Variants in AAK1 observed in about 807,000 individuals in gnomAD.
AAK1 encodes the protein AP2-associated protein kinase 1.
In AAK1, 37 loss-of-function variants were observed where a neutral mutation model predicts 116.0. That is an observed-to-expected ratio of 0.32 (90% confidence interval 0.25 to 0.42). The LOEUF (loss-of-function observed/expected upper bound fraction) is 0.42, where lower values mean the gene tolerates loss of function less well. AAK1 is among the 10% of genes least tolerant of loss of function. The pLI, the probability that AAK1 is intolerant of heterozygous loss-of-function variation, is 1.00. For synonymous variants in AAK1, 458 were observed against 439.9 expected, an observed-to-expected ratio of 1.04 and a Z score of -0.51; for missense variants, 919 against 1,170.6, an observed-to-expected ratio of 0.79 and a Z score of 3.14.
intron 6 of AAK1, among the ~76,000 whole-genome samples, chr2:69,531,042 TG>T (rs1161767140): frequency 6.6e-6 from 1 of 152,182 alleles, no homozygotes; most frequent in African/African-American, 2.4e-5. Flanking sequence ...TTTGTCAATT[TG>T]TTGTTTTAAA....
At chr2:69,501,379 C>T (rs1451346947) in intron 16 of AAK1, among the ~76,000 whole-genome samples, 2 of 151,348 alleles carry the variant, frequency 1.3e-5, no homozygotes, top group Non-Finnish European at 2.9e-5. Flanking sequence ...CTCCACAAAA[C>T]CCCATTTTTT....
chr2:69,617,150 T>C (rs138918990), intron 2 of AAK1, among the ~76,000 whole-genome samples: 1 of 152,220 alleles, frequency 6.6e-6, no homozygotes, highest in African/African-American at 2.4e-5. Flanking sequence ...CTAATCTCAG[T>C]CAAGAACAAC....
At chr2:69,514,867 A>G in intron 12 of AAK1, 118 bp from the exon 13 acceptor site, 1 of 1,205,298 alleles carries the variant, frequency 8.3e-7, no homozygotes, top group Non-Finnish European at 1.1e-6. Flanking sequence ...CAAGTAGAAA[A>G]GTCTTGAGGC....
chr2:69,465,888 A>T lies in AAK1; in HGVS notation c.*9981T>A. 7.7e-7 allele frequency: 1 copy of T among 1,290,700 alleles called. No homozygotes were observed. The highest frequency in any genetic ancestry group is 1.0e-6 in the Non-Finnish European group (1 of 988,850). The allele number at this position is 1,290,700 out of a possible 1,614,324, so 80.0% of individuals were successfully genotyped here. On this transcript the variant is annotated 3_prime_UTR_variant, in exon 22 of 22. Coordinates refer to ENST00000409085, the MANE Select transcript of AAK1 (RefSeq NM_014911.5). ...TCTCTCACGGCCCGCGGGCAGGGGG[A>T]CATCACCTGTCTGACTGAGGAGACC...
chr2:69,468,318 G>A lies in AAK1; in HGVS notation c.*7551C>T. On this transcript the variant is annotated 3_prime_UTR_variant, in exon 22 of 22. Coordinates refer to ENST00000409085, the MANE Select transcript of AAK1 (RefSeq NM_014911.5). ...ATACCAAGATGATAATTTCTGGGAG[G>A]AAATTCAAATAAAAGGGAGAAAAAT... 1.0e-6 allele frequency: 1 copy of A among 985,278 alleles called. No homozygotes were observed. The highest frequency in any genetic ancestry group is 1.2e-6 in the Non-Finnish European group (1 of 829,892). The allele number at this position is 985,278 out of a possible 1,614,324, so 61.0% of individuals were successfully genotyped here.
Position 69,496,022 on chromosome 2 carries a change from A to G in AAK1, c.2328T>C (p.Ser776=). The G allele has an allele frequency of 3.9e-6, 6 of 1,554,798 alleles. No individual in the cohort carries two copies. The highest frequency in any genetic ancestry group is 5.2e-6 in the Non-Finnish European group (6 of 1,148,754). Reference sequence around the variant, plus strand: ...GTACTTGAAGAGGAATGAAAGGATCAGACACGCTTAGAAGCGGGAGGCCAG... The same window carrying G: ...GTACTTGAAGAGGAATGAAAGGATCGGACACGCTTAGAAGCGGGAGGCCAG... ...VDSGLPLLSV[S]DPFIPLQVPD... is the part of the protein sequence containing the mutation. The change falls in exon 17 of 22, where the codon TCT becomes TCC. Residue 776 remains serine (S), a synonymous_variant. Coordinates refer to ENST00000409085, the MANE Select transcript of AAK1 (RefSeq NM_014911.5).
chr2:69,573,618 A>C (rs2105125377), intron 2 of AAK1, among the ~76,000 whole-genome samples: 1 of 152,324 alleles, frequency 6.6e-6, no homozygotes, highest in African/African-American at 2.4e-5. Context: ...ATGCATAAAA[A>C]CCCAAGAGAT....
intron 2 of AAK1, among the ~76,000 whole-genome samples, chr2:69,614,737 T>C (rs1302774784): frequency 6.6e-6 from 1 of 152,138 alleles, no homozygotes; most frequent in Non-Finnish European, 1.5e-5. Context: ...ATGGGGGTCA[T>C]CCTGGATTAT....
chr2:69,518,585 A>G (rs1181746631), intron 12 of AAK1, among the ~76,000 whole-genome samples: 1 of 151,876 alleles, frequency 6.6e-6, no homozygotes, highest in African/African-American at 2.4e-5. Context: ...TGCCCAGCTA[A>G]TTTTTGTATT....
intron 2 of AAK1, among the ~76,000 whole-genome samples, chr2:69,576,573 C>T (rs1371206979): frequency 6.6e-6 from 1 of 152,182 alleles, no homozygotes; most frequent in Non-Finnish European, 1.5e-5. Flanking sequence ...TTAGCTCCCA[C>T]TTACAAGTGA....
chr2:69,611,262 GCT>G (rs939854942), intron 2 of AAK1, among the ~76,000 whole-genome samples: 1 of 151,958 alleles, frequency 6.6e-6, no homozygotes, highest in Non-Finnish European at 1.5e-5. Flanking sequence ...GAGTCTTCTC[GCT>G]CTCTCTCTCT....
chr2:69,624,245 G>T (rs577602656), intron 2 of AAK1, among the ~76,000 whole-genome samples: 2 of 152,270 alleles, frequency 1.3e-5, no homozygotes, highest in South Asian at 4.1e-4. Flanking sequence ...TTCTAAAGAA[G>T]TAATAGAACA....
chr2:69,509,126 T>G, intron 14 of AAK1, 105 bp downstream of exon 14: 1 of 905,882 alleles, frequency 1.1e-6, no homozygotes. Flanking sequence ...ACCACTGTAT[T>G]TGCATTACAC....
chr2:69,527,766 G>T (rs563402844), intron 8 of AAK1, among the ~76,000 whole-genome samples: 1 of 152,096 alleles, frequency 6.6e-6, no homozygotes. Context: ...AATATTAGCT[G>T]GTTTCCAGAT....
At chr2:69,609,699 A>G (rs931339766) in intron 2 of AAK1, among the ~76,000 whole-genome samples, 21 of 151,786 alleles carry the variant, frequency 1.4e-4, no homozygotes, top group Non-Finnish European at 2.9e-4. Flanking sequence ...AAGAAAATCC[A>G]ACCTAAACCC....
At chr2:69,518,645 T>G (rs1384139914) in intron 12 of AAK1, among the ~76,000 whole-genome samples, 3 of 152,070 alleles carry the variant, frequency 2.0e-5, no homozygotes, top group Non-Finnish European at 4.4e-5. Flanking sequence ...TCTCGATCTC[T>G]TGACCTCGTG....
intron 3 of AAK1, among the ~76,000 whole-genome samples, chr2:69,556,165 T>C (rs1312469600): frequency 1.3e-5 from 2 of 152,212 alleles, no homozygotes; most frequent in Non-Finnish European, 1.5e-5. Flanking sequence ...CTGACACATA[T>C]ATACCCTGTG....
rs1674584503 is a variant in AAK1 at position 69,468,917 on chromosome 2, T to G, written c.*6952A>C. On this transcript the variant is annotated 3_prime_UTR_variant, in exon 22 of 22. Coordinates refer to ENST00000409085, the MANE Select transcript of AAK1 (RefSeq NM_014911.5). ...CAACTCAGAGCATATTCTATGACCTTCATGATGAGTACTGGGAAAATCAGA... is the reference window on the plus strand; with the variant it reads ...CAACTCAGAGCATATTCTATGACCTGCATGATGAGTACTGGGAAAATCAGA... 1 of 985,324 alleles carries G rather than the reference T, an allele frequency of 1.0e-6. No individual in the cohort carries two copies. The highest frequency in any genetic ancestry group is 1.7e-5 in the African/African-American group (1 of 57,254). 61.0% of individuals were successfully genotyped at this position (985,324 alleles called of 1,614,324 possible).
intron 13 of AAK1, among the ~76,000 whole-genome samples, chr2:69,512,880 G>C (rs1676444646): frequency 6.6e-6 from 1 of 152,196 alleles, no homozygotes; most frequent in Admixed American, 6.5e-5. Flanking sequence ...TTATCACCCT[G>C]GATGAGCATT....
Sources: gnomAD v4.1 joint callset for allele counts (sites outside exome capture counted in the v4.1 genomes callset) on GRCh38, gnomAD v4.1.1 for gene constraint, MANE v1.5 for transcripts, NCBI Gene and HGNC (gene_info 2026-07-23, HGNC 2026-07-21) for gene names.